The following AGBL3 variants were observed in gnomAD, a reference collection of about 807,000 sequenced individuals.
The protein encoded by AGBL3 is AGBL carboxypeptidase 3.
A neutral mutation model predicts 94.5 loss-of-function variants in AGBL3; 68 were observed. That is an observed-to-expected ratio of 0.72 (90% CI 0.59 to 0.88). The LOEUF (loss-of-function observed/expected upper bound fraction) is 0.88, where lower values mean the gene tolerates loss of function less well. Ranked by LOEUF, AGBL3 falls within the 40% of genes least tolerant of loss-of-function variation. AGBL3 has a pLI of 0.00. For synonymous variants in AGBL3, 354 were observed against 370.7 expected (o/e 0.95, Z 0.52); for missense variants, 934 against 1,103.8 (o/e 0.85, Z 2.18).
chr7:135,083,994 G>A (rs1821127034), intron 15 of AGBL3, among the ~76,000 whole-genome samples: 2 of 152,270 alleles, frequency 1.3e-5, no homozygotes, highest in South Asian at 4.1e-4. Flanking sequence ...AAAATCGGTT[G>A]GAGGCCAAGC....
intron 15 of AGBL3, among the ~76,000 whole-genome samples, chr7:135,103,593 T>A (rs1824192755): frequency 6.6e-6 from 1 of 152,202 alleles, no homozygotes; most frequent in Non-Finnish European, 1.5e-5. Flanking sequence ...AAACCCATAA[T>A]CCCTACTGTT....
Position 134,987,950 on chromosome 7 carries a change from A to C in AGBL3, c.17A>C (p.Glu6Ala). The C allele has an allele frequency of 6.5e-7, 1 of 1,548,968 alleles. No homozygotes were observed. Among genetic ancestry groups the C allele is most frequent in the Non-Finnish European group, 8.7e-7 (1 of 1,146,002 alleles). ...CTGGAAAAGATGTCAGAAGATTCAG[A>C]AAAGGAAGACTATTCAGACAGAACA... MSEDS[E>A]KEDYSDRTIS... is the part of the protein sequence containing the mutation. Residue 6 changes from glutamate to alanine, a missense_variant, in exon 2 of 17, where the codon GAA (glutamate) becomes GCA (alanine). Around this residue, in one of 3 missense-constraint regions of AGBL3, gnomAD observed 488 missense variants for 563.6 expected, o/e 0.87. Coordinates refer to ENST00000436302, the MANE Select transcript of AGBL3 (RefSeq NM_178563.4).
At chr7:135,051,223 A>G in intron 11 of AGBL3, 1 of 206,824 alleles carries the variant, frequency 4.8e-6, no homozygotes, top group South Asian at 6.5e-5. Context: ...CACATTTTTC[A>G]GTCTTGAGTT....
intron 16 of AGBL3, among the ~76,000 whole-genome samples, chr7:135,125,517 G>A (rs1026034438): frequency 1.5e-4 from 23 of 152,250 alleles, no homozygotes; most frequent in Admixed American, 2.0e-4. Context: ...AATTGAAAAG[G>A]AGGGACTCCT....
chr7:135,095,890 G>A (rs550644662), intron 15 of AGBL3, among the ~76,000 whole-genome samples: 26 of 152,290 alleles, frequency 1.7e-4, no homozygotes, highest in African/African-American at 5.3e-4. Flanking sequence ...AGTGGCTCAC[G>A]CCTGTAATCC....
chr7:134,993,463 C>T (rs771373612), intron 3 of AGBL3, 30 bp from the exon 4 acceptor site: 4 of 1,498,702 alleles, frequency 2.7e-6, no homozygotes, highest in Non-Finnish European at 2.7e-6. Flanking sequence ...CTTCTTCCCA[C>T]TCATGATTGT....
chr7:135,063,998 T>A (rs1180456305), intron 12 of AGBL3, among the ~76,000 whole-genome samples: 1 of 152,234 alleles, frequency 6.6e-6, no homozygotes, highest in Non-Finnish European at 1.5e-5. Flanking sequence ...AGCAGCCAGC[T>A]AGGGCATATT....
intron 11 of AGBL3, among the ~76,000 whole-genome samples, chr7:135,048,060 C>T (rs938989201): frequency 1.3e-5 from 2 of 151,756 alleles, no homozygotes; most frequent in East Asian, 3.9e-4. Context: ...CAATTTTATT[C>T]TTTTGCATGT....
intron 16 of AGBL3, among the ~76,000 whole-genome samples, chr7:135,133,246 A>G (rs1829045686): frequency 6.6e-6 from 1 of 152,220 alleles, no homozygotes; most frequent in South Asian, 2.1e-4. Flanking sequence ...CAGGGTTTCT[A>G]TGCTGAAAAG....
chr7:135,042,837 A>G (rs1816990289), intron 8 of AGBL3, among the ~76,000 whole-genome samples: 1 of 152,140 alleles, frequency 6.6e-6, no homozygotes, highest in Non-Finnish European at 1.5e-5. Flanking sequence ...CTTTGAGCCC[A>G]GGAGTTTGAG....
chr7:135,062,475 G>C (rs975514491), intron 12 of AGBL3, among the ~76,000 whole-genome samples: 1 of 152,038 alleles, frequency 6.6e-6, no homozygotes. Flanking sequence ...TTTCACCATG[G>C]GGTATGATGT....
chr7:135,066,752 G>A lies in AGBL3; in HGVS notation c.1908+7517G>A, dbSNP rs150923011. ...TGAATGGATAAAAAAGATGAGGGGGGATTTTAGAGCCAAGATGGCCGAACA... is the reference window on the plus strand; with the variant it reads ...TGAATGGATAAAAAAGATGAGGGGGAATTTTAGAGCCAAGATGGCCGAACA... On this transcript the variant is annotated intron_variant, in intron 12 of 16. Coordinates refer to ENST00000436302, the MANE Select transcript of AGBL3 (RefSeq NM_178563.4). 4.6e-5 allele frequency among the ~76,000 whole-genome samples: 7 copies of A among 152,276 alleles called. 2 individuals carry two copies. The highest frequency in any genetic ancestry group is 1.7e-4 in the African/African-American group (7 of 41,576).
rs999182262 is a variant in AGBL3, at chr7:134,993,638, A to G, written c.270A>G (p.Pro90=). 5 of 1,551,968 alleles carry G rather than the reference A, an allele frequency of 3.2e-6. No homozygotes were observed. The highest frequency in any genetic ancestry group is 2.7e-5 in the African/African-American group (2 of 73,042). ...GTCCATTGAGCCCAACACGGTGGCC[A>G]TACCATTGTGAAGTCATCGATGAAA... ...SSGPLSPTRW[P]YHCEVIDEKV... is the part of the protein sequence containing the mutation. Residue 90 remains proline (P), a synonymous_variant, in exon 4 of 17, where the codon CCA becomes CCG. Coordinates refer to ENST00000436302, the MANE Select transcript of AGBL3 (RefSeq NM_178563.4).
chr7:135,105,527 A>C (rs1465885984), intron 15 of AGBL3, among the ~76,000 whole-genome samples: 1 of 152,204 alleles, frequency 6.6e-6, no homozygotes, highest in Admixed American at 6.5e-5. Context: ...GATTTGTAGA[A>C]GATCAGATGG....
At chr7:135,005,462 G>T (rs1584796478) in intron 4 of AGBL3, among the ~76,000 whole-genome samples, 1 of 151,766 alleles carries the variant, frequency 6.6e-6, no homozygotes, top group East Asian at 1.9e-4. Context: ...AATAAAAGAA[G>T]ATCTAAATAA....
chr7:135,106,092 C>G (rs1246625879), intron 15 of AGBL3, among the ~76,000 whole-genome samples: 1 of 152,112 alleles, frequency 6.6e-6, no homozygotes, highest in East Asian at 1.9e-4. Context: ...ATTTTGTATC[C>G]TGAAACTTCC....
chr7:135,025,129 AAGATATTATAC>A (rs1814945742), intron 5 of AGBL3, among the ~76,000 whole-genome samples: 1 of 151,582 alleles, frequency 6.6e-6, no homozygotes, highest in African/African-American at 2.4e-5. Flanking sequence ...GAACCCCTGC[AAGATATTATAC>A]AAGATGACCA....
At chr7:135,123,250 A>C (rs113954552) in intron 16 of AGBL3, among the ~76,000 whole-genome samples, 7,744 of 152,318 alleles carry the variant, frequency 0.051, 261 homozygotes, top group Non-Finnish European at 0.08. Flanking sequence ...TGAAGCATAC[A>C]CAAGTATCAA....
At chr7:135,008,853 G>A (rs1337535889) in intron 4 of AGBL3, among the ~76,000 whole-genome samples, 1 of 152,100 alleles carries the variant, frequency 6.6e-6, no homozygotes, top group African/African-American at 2.4e-5. Flanking sequence ...CAAAGTAGAT[G>A]AACAAATGGT....
Sources: allele counts gnomAD v4.1 joint callset (sites outside exome capture counted in the v4.1 genomes callset), GRCh38; gene constraint gnomAD v4.1.1; regional missense constraint gnomAD v4.1.1; transcripts MANE v1.5; gene names NCBI Gene and HGNC (gene_info 2026-07-23, HGNC 2026-07-21).